STBD1: variants seen among roughly 807,000 people sequenced by gnomAD.
STBD1 encodes starch-binding domain-containing protein 1.
A neutral mutation model predicts 10.5 loss-of-function variants in STBD1; 13 were observed. That is an observed-to-expected ratio of 1.24 (90% CI 0.81 to 1.97). The LOEUF (loss-of-function observed/expected upper bound fraction) is 1.97, where lower values mean the gene tolerates loss of function less well. Among genes scored for constraint, STBD1 ranks in the 30% most tolerant of loss-of-function variants. The pLI, the probability that STBD1 is intolerant of heterozygous loss-of-function variation, is 0.00. For synonymous variants in STBD1, 146 were observed against 160.2 expected, an observed-to-expected ratio of 0.91 and a Z score of 0.67; for missense variants, 427 against 435.6, an observed-to-expected ratio of 0.98 and a Z score of 0.17.
rs1457806753 is a variant in STBD1, at chr4:76,309,230, C to T, written c.307C>T (p.Pro103Ser). 1.8e-5 allele frequency: 29 copies of T among 1,613,904 alleles called. No individual in the cohort carries two copies. Among genetic ancestry groups the T allele is most frequent in the Non-Finnish European group, 2.5e-5 (29 of 1,180,002 alleles). The change falls in exon 2 of 2, where the codon CCT (proline) becomes TCT (serine). Residue 103 changes from proline to serine, a missense_variant. Physicochemically the swap from Pro to Ser is moderately conservative, Grantham distance 74. Transcript: ENST00000237642. Reference protein sequence around the residue: ...LQAASWRLQNPSREVCDNSRE... With the variant: ...LQAASWRLQNSSREVCDNSRE... ...AGCAGCATCATGGAGATTGCAGAAT[C>T]CTTCCAGGGAAGTCTGTGACAATTC...
At position 76,309,908 on chromosome 4, in the gene STBD1, G is replaced by T; in HGVS notation, c.985G>T (p.Gly329Trp). Residue 329 changes from glycine to tryptophan, a missense_variant, in exon 2 of 2, where the codon GGG (glycine) becomes TGG (tryptophan). Transcript: ENST00000237642. ...GTGGAAGTTTGTGTTGGTAGAGAAT[G>T]GGGGAGTTACCCGCTGGGAAGAATG... is the stretch of plus-strand genomic sequence containing the variant. Reference protein sequence around the residue: ...VEWKFVLVENGGVTRWEECSN... With the variant: ...VEWKFVLVENWGVTRWEECSN... 6.2e-7 allele frequency: 1 copy of T among 1,614,164 alleles called. No homozygotes were observed. Among genetic ancestry groups the T allele is most frequent in the Non-Finnish European group, 8.5e-7 (1 of 1,180,036 alleles).
rs762562371 is a variant in STBD1, at chr4:76,309,605, C to T, written c.682C>T (p.Leu228=). 76 of 1,614,088 alleles carry T rather than the reference C, an allele frequency of 4.7e-5. No individual in the cohort carries two copies. Among genetic ancestry groups the T allele is most frequent in the Non-Finnish European group, 5.9e-5 (70 of 1,180,044 alleles). Residue 228 remains leucine (L), a synonymous_variant, in exon 2 of 2, where the codon CTA becomes TTA. Transcript: ENST00000237642. The part of the protein sequence containing the change: ...GGSLKAPVLN[L]NQGMDNGRST... ...CAGTCTTAAGGCTCCAGTGTTAAAC[C>T]TAAACCAGGGAATGGACAATGGAAG...
rs762268860 is a variant in STBD1 at position 76,306,773 on chromosome 4, GGCGCCGTCT to G, written c.6_14del (p.Ala3_Trp5del). ...CTGCGGCCGCGGCCTCTCAGCCATGGGCGCCGTCTGGTCCGCCCTGCTGGTTGGAGGGGG... is the reference window on the plus strand; with the variant it reads ...CTGCGGCCGCGGCCTCTCAGCCATGGGGTCCGCCCTGCTGGTTGGAGGGGG... On this transcript the variant is annotated inframe_deletion, in exon 1 of 2. Transcript: ENST00000237642. The G allele has an allele frequency of 3.1e-6, 5 of 1,610,934 alleles. No homozygotes were observed. The highest frequency in any genetic ancestry group is 4.2e-6 in the Non-Finnish European group (5 of 1,179,774).
chr4:76,306,806 G>C lies in STBD1; in HGVS notation c.37G>C (p.Gly13Arg). 1.2e-6 allele frequency: 2 copies of C among 1,612,880 alleles called. No homozygotes were observed. The highest frequency in any genetic ancestry group is 3.3e-4 in the Middle Eastern group (2 of 6,048). Residue 13 changes from glycine (G) to arginine (R), a missense_variant, in exon 1 of 2, where the codon GGT becomes CGT. Physicochemically the swap from Gly to Arg is moderately radical, Grantham distance 125. Coordinates refer to ENST00000237642, the MANE Select transcript of STBD1 (RefSeq NM_003943.5). ...AVWSALLVGG[G>R]LAGALFVWLL... ...CTGGTCCGCCCTGCTGGTTGGAGGG[G>C]GTCTGGCCGGAGCACTTTTCGTTTG...
intron 1 of STBD1, 51 bp downstream of exon 1, chr4:76,307,040 C>T: frequency 6.5e-7 from 1 of 1,529,404 alleles, no homozygotes; most frequent in East Asian, 2.4e-5. Flanking sequence ...CTTTGAGGTT[C>T]ATCGAGGAAG....
At chr4:76,307,486 C>T (rs1475055391) in intron 1 of STBD1, among the ~76,000 whole-genome samples, 4 of 152,218 alleles carry the variant, frequency 2.6e-5, no homozygotes, top group Middle Eastern at 3.2e-3. Flanking sequence ...GAACTGCGGG[C>T]GCCTCCTGCT....
chr4:76,308,025 C>T (rs1437257898), intron 1 of STBD1, among the ~76,000 whole-genome samples: 4 of 152,112 alleles, frequency 2.6e-5, no homozygotes, highest in African/African-American at 4.8e-5. Context: ...ACTTCCAACT[C>T]CCACCATCAC....
At chr4:76,307,137 GC>G in intron 1 of STBD1, 148 bp downstream of exon 1, 1 of 853,670 alleles carries the variant, frequency 1.2e-6, no homozygotes, top group Admixed American at 2.1e-5. Flanking sequence ...CCATCCCCAC[GC>G]CCCTCGGTTT....
intron 1 of STBD1, among the ~76,000 whole-genome samples, chr4:76,308,141 C>T (rs1438830382): frequency 2.6e-5 from 4 of 151,914 alleles, no homozygotes; most frequent in Non-Finnish European, 5.9e-5. Flanking sequence ...TGGTAGTAGG[C>T]GCCGGTAGTC....
chr4:76,306,784 G>T lies in STBD1; in HGVS notation c.15G>T (p.Trp5Cys). The change falls in exon 1 of 2, where the codon TGG becomes TGT. Residue 5 changes from tryptophan (W) to cysteine (C), a missense_variant. By Grantham distance (215) the Trp-to-Cys change is radical (BLOSUM62 -2). Transcript: ENST00000237642. MGAVWSALLVGGGLA... is the reference protein window; with the variant it reads MGAVCSALLVGGGLA... ...GCCTCTCAGCCATGGGCGCCGTCTGGTCCGCCCTGCTGGTTGGAGGGGGTC... is the reference window on the plus strand; with the variant it reads ...GCCTCTCAGCCATGGGCGCCGTCTGTTCCGCCCTGCTGGTTGGAGGGGGTC... The T allele has an allele frequency of 6.2e-7, 1 of 1,612,108 alleles. No homozygotes were observed. Among genetic ancestry groups the T allele is most frequent in the Non-Finnish European group, 8.5e-7 (1 of 1,179,858 alleles).
At chr4:76,307,628 A>G (rs1014917375) in intron 1 of STBD1, among the ~76,000 whole-genome samples, 2 of 152,104 alleles carry the variant, frequency 1.3e-5, no homozygotes, top group Non-Finnish European at 2.9e-5. Flanking sequence ...CTGCCCCAGA[A>G]TAGGGCCGGA....
intron 1 of STBD1, among the ~76,000 whole-genome samples, chr4:76,308,341 C>T (rs1292252689): frequency 6.6e-6 from 1 of 151,580 alleles, no homozygotes; most frequent in Admixed American, 6.6e-5. Flanking sequence ...CACCCCCACA[C>T]CACATAAAAC....
chr4:76,309,333 AC>A lies in STBD1; in HGVS notation c.411del (p.Ser138LeufsTer50), dbSNP rs1423288746. The A allele has an allele frequency of 6.2e-7, 1 of 1,612,718 alleles. No individual in the cohort carries two copies. Among genetic ancestry groups the A allele is most frequent in the South Asian group, 1.1e-5 (1 of 90,658 alleles). ...TCTGAGACCAGTAACTCTAGGAGTTACTCTGAAGTTTCAAGAAATGAAAGCC... is the reference window on the plus strand; with the variant it reads ...TCTGAGACCAGTAACTCTAGGAGTTATCTGAAGTTTCAAGAAATGAAAGCC... Reference protein sequence around the residue: ...ATSETSNSRSYSEVSRNESLE... With the variant: ...ATSETSNSRSXSEVSRNESLE... On this transcript the variant is annotated frameshift_variant, in exon 2 of 2. Coordinates refer to ENST00000237642, the MANE Select transcript of STBD1 (RefSeq NM_003943.5). LOFTEE classifies it low-confidence loss of function (END_TRUNC).
intron 1 of STBD1, 81 bp from the exon 2 acceptor site, chr4:76,309,063 T>A (rs1718863654): frequency 2.1e-5 from 31 of 1,507,400 alleles, no homozygotes; most frequent in Non-Finnish European, 2.4e-5. Flanking sequence ...AAGCTTTCAG[T>A]AACTAAATCT....
intron 1 of STBD1, 24 bp from the exon 2 acceptor site, chr4:76,309,120 T>C (rs897008856): frequency 6.5e-7 from 1 of 1,544,774 alleles, no homozygotes; most frequent in Non-Finnish European, 8.7e-7. Flanking sequence ...CTGACTCTAT[T>C]ACATTTTTCC....
rs1246564209 is a variant in STBD1, at chr4:76,310,699, G to C, written c.*699G>C. ...ATCTAAGGCTGGTGTAGAAACAAAG[G>C]GCCTAATGAGAACCAATCATCATGG... On this transcript the variant is annotated 3_prime_UTR_variant, in exon 2 of 2. Transcript: ENST00000237642. 2 of 152,744 alleles carry C rather than the reference G, an allele frequency of 1.3e-5. No individual in the cohort carries two copies. Among genetic ancestry groups the C allele is most frequent in the Non-Finnish European group, 2.9e-5 (2 of 68,160 alleles). 9.5% of individuals were successfully genotyped at this position (152,744 alleles called of 1,614,324 possible).
Position 76,306,812 on chromosome 4 carries a change from G to T in STBD1, c.43G>T (p.Ala15Ser). ...CGCCCTGCTGGTTGGAGGGGGTCTG[G>T]CCGGAGCACTTTTCGTTTGGCTGCT... ...WSALLVGGGL[A>S]GALFVWLLRG... Residue 15 changes from alanine to serine, a missense_variant, in exon 1 of 2, where the codon GCC (alanine) becomes TCC (serine). Physicochemically the swap from Ala to Ser is moderately conservative, Grantham distance 99 (BLOSUM62 1). Coordinates refer to ENST00000237642, the MANE Select transcript of STBD1 (RefSeq NM_003943.5). 3.7e-6 allele frequency: 6 copies of T among 1,612,692 alleles called. No homozygotes were observed. The highest frequency in any genetic ancestry group is 5.1e-6 in the Non-Finnish European group (6 of 1,179,680).
rs775507048 is a variant in STBD1 at position 76,306,990 on chromosome 4, G to T, written c.220+1G>T. On this transcript the variant is annotated splice_donor_variant, in intron 1 of 1. Coordinates refer to ENST00000237642, the MANE Select transcript of STBD1 (RefSeq NM_003943.5). LOFTEE classifies it high-confidence loss of function. ...GGGCAGGAGCTGGTCACCAAACCAG[G>T]TATTCTTCCCCCCGTGACTCCAGGG... The T allele has an allele frequency of 5.7e-6, 9 of 1,583,512 alleles. No homozygotes were observed. The South Asian group carries it at 1.0e-4, about 18-fold the overall frequency.
Position 76,307,002 on chromosome 4 carries a change from C to G in STBD1, c.220+13C>G. The G allele has an allele frequency of 1.3e-6, 2 of 1,569,510 alleles. No homozygotes were observed. Among genetic ancestry groups the G allele is most frequent in the South Asian group, 1.2e-5 (1 of 85,996 alleles). ...GTCACCAAACCAGGTATTCTTCCCC[C>G]CGTGACTCCAGGGCACATCTGCCAG... On this transcript the variant is annotated intron_variant, in intron 1 of 1. Coordinates refer to ENST00000237642, the MANE Select transcript of STBD1 (RefSeq NM_003943.5).
Sources: gnomAD v4.1 joint callset for allele counts (sites outside exome capture counted in the v4.1 genomes callset) on GRCh38, gnomAD v4.1.1 for gene constraint, MANE v1.5 for transcripts, NCBI Gene and HGNC (gene_info 2026-07-23, HGNC 2026-07-21) for gene names.